Variants in AKAP13 observed in about 807,000 individuals in gnomAD.
AKAP13 encodes A-kinase anchoring protein 13.
A neutral mutation model predicts 264.5 loss-of-function variants in AKAP13; 80 were observed. That is an observed-to-expected ratio of 0.30 (90% confidence interval 0.25 to 0.36). AKAP13 has a LOEUF of 0.36. Ranked by LOEUF, AKAP13 falls within the 10% of genes least tolerant of loss-of-function variation. The pLI is 1.00. For synonymous variants in AKAP13, 1,380 were observed against 1,250.2 expected (o/e 1.10, Z -2.19); for missense variants, 3,712 against 3,435.2 (o/e 1.08, Z -2.01).
intron 2 of AKAP13, among the ~76,000 whole-genome samples, chr15:85,507,136 C>G (rs2076249621): frequency 1.3e-5 from 2 of 152,276 alleles, no homozygotes; most frequent in African/African-American, 4.8e-5. Context: ...TGTTATATCA[C>G]TGTAACTGTA....
chr15:85,561,835 C>G (rs1013152086), intron 5 of AKAP13, among the ~76,000 whole-genome samples: 1 of 152,204 alleles, frequency 6.6e-6, no homozygotes, highest in Non-Finnish European at 1.5e-5. Flanking sequence ...GGACTACTAA[C>G]TTCTGTACCC....
chr15:85,587,309 G>T (rs1025192398), intron 8 of AKAP13, among the ~76,000 whole-genome samples: 2 of 152,220 alleles, frequency 1.3e-5, no homozygotes, highest in African/African-American at 4.8e-5. Flanking sequence ...AACACAATAT[G>T]TGATCTTTTG....
intron 5 of AKAP13, among the ~76,000 whole-genome samples, chr15:85,561,439 G>A (rs572013658): frequency 5.9e-5 from 9 of 152,330 alleles, no homozygotes; most frequent in Admixed American, 1.3e-4. Flanking sequence ...GTGAGATTGA[G>A]CTTAACATTG....
chr15:85,703,569 C>T (rs2086050453), intron 17 of AKAP13, among the ~76,000 whole-genome samples: 1 of 152,198 alleles, frequency 6.6e-6, no homozygotes, highest in African/African-American at 2.4e-5. Flanking sequence ...TGGCCAGGTG[C>T]CGTGGCTCAC....
intron 2 of AKAP13, among the ~76,000 whole-genome samples, chr15:85,507,245 G>A (rs993791847): frequency 6.6e-6 from 1 of 152,012 alleles, no homozygotes; most frequent in Non-Finnish European, 1.5e-5. Context: ...GTACTAAAAG[G>A]TTATATTAGA....
rs996647334 is a variant in AKAP13 at position 85,658,743 on chromosome 15, C to T, written c.4799+153C>T. Among the ~76,000 whole-genome samples the T allele has an allele frequency of 2.0e-5, 3 of 152,094 alleles. No individual in the cohort carries two copies. In the East Asian group the frequency reaches 5.8e-4, roughly 29 times the overall value. The stretch of plus-strand genomic sequence containing the variant: ...ATAAAATATAGGTACTTATTAATTG[C>T]TAGTGTCCATTTTATATGAAATGGT... On this transcript the variant is annotated intron_variant, in intron 12 of 36. Transcript: ENST00000394518.
chr15:85,406,989 T>G (rs1567042030), intron 1 of AKAP13, among the ~76,000 whole-genome samples: 2 of 151,728 alleles, frequency 1.3e-5, no homozygotes, highest in Non-Finnish European at 1.5e-5. Flanking sequence ...TCTCTGGATT[T>G]TTTGTCCTAC....
intron 2 of AKAP13, among the ~76,000 whole-genome samples, chr15:85,517,917 TTTC>T (rs1192888030): frequency 1.3e-5 from 2 of 152,222 alleles, no homozygotes; most frequent in Non-Finnish European, 2.9e-5. Flanking sequence ...GATCACGCTG[TTTC>T]TTAAGTTCAG....
At chr15:85,591,193 A>G (rs2079563709) in intron 8 of AKAP13, among the ~76,000 whole-genome samples, 1 of 148,156 alleles carries the variant, frequency 6.7e-6, no homozygotes, top group Non-Finnish European at 1.5e-5. Flanking sequence ...GTTAACTGTC[A>G]GCTGGACTAG....
At chr15:85,552,727 A>C (rs2078002765) in intron 5 of AKAP13, among the ~76,000 whole-genome samples, 1 of 148,360 alleles carries the variant, frequency 6.7e-6, no homozygotes. Flanking sequence ...TCCCGGGTTC[A>C]AGTGATTCTT....
At chr15:85,563,406 G>T (rs1260191959) in intron 5 of AKAP13, among the ~76,000 whole-genome samples, 1 of 134,908 alleles carries the variant, frequency 7.4e-6, no homozygotes, top group African/African-American at 2.7e-5. Context: ...CATTTTGTCA[G>T]TCTCTTCAAC....
chr15:85,473,531 C>T (rs2075042945), intron 1 of AKAP13, among the ~76,000 whole-genome samples: 1 of 152,208 alleles, frequency 6.6e-6, no homozygotes, highest in Non-Finnish European at 1.5e-5. Flanking sequence ...AGGAGGCCCC[C>T]ACTGCAACAC....
At position 85,727,466 on chromosome 15, in the gene AKAP13, G is replaced by A; in HGVS notation, c.7087+3G>A. ...CACCAGAGCCCGAGAATTAAAAGGT[G>A]AGGCATTGCGAGTGGTCTGAGCCCC... On this transcript the variant is annotated splice_donor_region_variant and intron_variant, in intron 29 of 36. Coordinates refer to ENST00000394518, the MANE Select transcript of AKAP13 (RefSeq NM_007200.5). The surrounding 1 kb of genome is among the most constrained non-coding windows in gnomAD (Gnocchi z 5.3). 1 of 1,613,972 alleles carries A rather than the reference G, an allele frequency of 6.2e-7. No individual in the cohort carries two copies. The highest frequency in any genetic ancestry group is 8.5e-7 in the Non-Finnish European group (1 of 1,179,842).
At chr15:85,553,931 C>G (rs1211347574) in intron 5 of AKAP13, among the ~76,000 whole-genome samples, 1 of 152,210 alleles carries the variant, frequency 6.6e-6, no homozygotes, top group African/African-American at 2.4e-5. Flanking sequence ...GGAACAGTTT[C>G]ATCCCAGAAC....
Position 85,727,408 on chromosome 15 carries a change from T to G in AKAP13, c.7032T>G (p.Pro2344=). The G allele has an allele frequency of 6.2e-7, 1 of 1,614,186 alleles. No homozygotes were observed. Among genetic ancestry groups the G allele is most frequent in the Non-Finnish European group, 8.5e-7 (1 of 1,180,026 alleles). Reference sequence around the variant, plus strand: ...ACAGAGATGAAGATGAAGGAATTCCTAGTGAGAATGAGGAAGAAAAGAAAA... The same window carrying G: ...ACAGAGATGAAGATGAAGGAATTCCGAGTGAGAATGAGGAAGAAAAGAAAA... ...TLNRDEDEGI[P]SENEEEKKML... is the part of the protein sequence containing the mutation. Residue 2344 remains proline, a synonymous_variant, in exon 29 of 37, where the codon CCT becomes CCG. Coordinates refer to ENST00000394518, the MANE Select transcript of AKAP13 (RefSeq NM_007200.5). The surrounding 1 kb of genome is among the most constrained non-coding windows in gnomAD (Gnocchi z 5.3).
At chr15:85,664,454 CAT>C in intron 12 of AKAP13, 107 bp from the exon 13 acceptor site, 1 of 1,120,058 alleles carries the variant, frequency 8.9e-7, no homozygotes, top group East Asian at 2.4e-5. Context: ...TGCTAGCTGA[CAT>C]AGAAATAATA....
intron 1 of AKAP13, among the ~76,000 whole-genome samples, chr15:85,385,258 A>G (rs760426324): frequency 1.1e-4 from 17 of 152,220 alleles, no homozygotes; most frequent in African/African-American, 3.6e-4. Flanking sequence ...TACCTATTCA[A>G]CTTTCTCTAT....
chr15:85,677,824 AT>A (rs2084333067), intron 14 of AKAP13, among the ~76,000 whole-genome samples: 1 of 151,410 alleles, frequency 6.6e-6, no homozygotes, highest in Non-Finnish European at 1.5e-5. Flanking sequence ...TTTTTTTTGT[AT>A]TTTTAGTAGA....
At chr15:85,387,562 T>C (rs11632761) in intron 1 of AKAP13, among the ~76,000 whole-genome samples, 110,376 of 151,872 alleles carry the variant, frequency 0.73, 40,444 homozygotes, top group Non-Finnish European at 0.78. Flanking sequence ...CGGGATGAAG[T>C]GATCCTCCCA....
Sources: allele counts gnomAD v4.1 joint callset (sites outside exome capture counted in the v4.1 genomes callset), GRCh38; gene constraint gnomAD v4.1.1; non-coding constraint Gnocchi (gnomAD v3.1); transcripts MANE v1.5; gene names NCBI Gene and HGNC (gene_info 2026-07-23, HGNC 2026-07-21).